PRKN: variants seen among roughly 807,000 people sequenced by gnomAD.
PRKN encodes the protein E3 ubiquitin-protein ligase parkin.
A neutral mutation model predicts 59.5 loss-of-function variants in PRKN; 56 were observed. That is an observed-to-expected ratio of 0.94 (90% CI 0.76 to 1.18). The LOEUF (loss-of-function observed/expected upper bound fraction) is 1.18, where lower values mean the gene tolerates loss of function less well. Among genes scored for constraint, PRKN ranks in the 50% most tolerant of loss-of-function variants. PRKN has a pLI of 0.00. For synonymous variants in PRKN, 250 were observed against 222.1 expected (o/e 1.13, Z -1.12); for missense variants, 657 against 596.4 (o/e 1.10, Z -1.06).
chr6:162,693,468 A>AGTG (rs1777852350), intron 1 of PRKN, among the ~76,000 whole-genome samples: 2 of 152,216 alleles, frequency 1.3e-5, no homozygotes, highest in Non-Finnish European at 2.9e-5. Context: ...AGCAGTGAGC[A>AGTG]AGCTGTACTT....
chr6:162,141,024 G>A (rs532621904), intron 4 of PRKN, among the ~76,000 whole-genome samples: 76 of 152,072 alleles, frequency 5.0e-4, no homozygotes, highest in East Asian at 1.2e-3. Context: ...CAGCTACTTC[G>A]GAGGCTGAGG....
At chr6:162,450,939 T>C (rs1006659164) in intron 1 of PRKN, among the ~76,000 whole-genome samples, 7 of 152,152 alleles carry the variant, frequency 4.6e-5, no homozygotes, top group Non-Finnish European at 1.0e-4. Flanking sequence ...AAGTTTAAAA[T>C]AGGGAAACTG....
At chr6:161,968,910 GA>G (rs1377951160) in intron 6 of PRKN, among the ~76,000 whole-genome samples, 5 of 152,276 alleles carry the variant, frequency 3.3e-5, no homozygotes, top group Admixed American at 6.5e-5. Context: ...CTGTTTTGTA[GA>G]CTTTTTGTAT....
At chr6:162,010,743 T>A (rs1583478790) in intron 5 of PRKN, among the ~76,000 whole-genome samples, 1 of 5,232 alleles carries the variant, frequency 1.9e-4, no homozygotes, top group Non-Finnish European at 2.2e-4. Flanking sequence ...TAATATATAT[T>A]ATATAATATA....
intron 2 of PRKN, among the ~76,000 whole-genome samples, chr6:162,356,119 C>A (rs1351257831): frequency 6.6e-6 from 1 of 152,078 alleles, no homozygotes; most frequent in Non-Finnish European, 1.5e-5. Context: ...ACCAACGTGA[C>A]CTTTATTATC....
At chr6:161,748,840 T>C (rs181115758) in intron 7 of PRKN, among the ~76,000 whole-genome samples, 1 of 152,288 alleles carries the variant, frequency 6.6e-6, no homozygotes, top group Non-Finnish European at 1.5e-5. Flanking sequence ...TTCAAACATT[T>C]AAGCAGAGCA....
intron 5 of PRKN, among the ~76,000 whole-genome samples, chr6:162,026,231 G>A (rs554296664): frequency 1.8e-4 from 28 of 152,238 alleles, no homozygotes; most frequent in African/African-American, 4.6e-4. Context: ...ATGTATTCGC[G>A]TATTCATAGA....
At chr6:161,595,543 G>A (rs1490579726) in intron 7 of PRKN, among the ~76,000 whole-genome samples, 1 of 152,176 alleles carries the variant, frequency 6.6e-6, no homozygotes, top group African/African-American at 2.4e-5. Flanking sequence ...CTGACAACAT[G>A]GTGGCCTCAA....
intron 2 of PRKN, among the ~76,000 whole-genome samples, chr6:162,352,517 G>T (rs190151416): frequency 2.6e-5 from 4 of 152,092 alleles, no homozygotes; most frequent in Non-Finnish European, 5.9e-5. Flanking sequence ...GTGTGACTGC[G>T]CATCCTGGGG....
In PRKN at chr6:161,898,779, C is replaced by G. The variant is rs554221638; in HGVS notation, c.734+74523G>C. ...TGATAATTTTGGTGATTCCCCCTCCCTAGGCTGCAACAGCTTTAATTTTAA... is the reference window on the plus strand; with the variant it reads ...TGATAATTTTGGTGATTCCCCCTCCGTAGGCTGCAACAGCTTTAATTTTAA... On this transcript the variant is annotated intron_variant, in intron 6 of 11. Coordinates refer to ENST00000366898, the MANE Select transcript of PRKN (RefSeq NM_004562.3). 1.6e-4 allele frequency among the ~76,000 whole-genome samples: 25 copies of G among 152,304 alleles called. No homozygotes were observed. The South Asian group carries it at 5.2e-3, about 32-fold the overall frequency.
chr6:161,382,157 A>G (rs1786022614), intron 10 of PRKN, among the ~76,000 whole-genome samples: 1 of 151,504 alleles, frequency 6.6e-6, no homozygotes, highest in Non-Finnish European at 1.5e-5. Context: ...AAACAAACAA[A>G]CAAACAAAAC....
chr6:162,476,232 T>G (rs1792011853), intron 1 of PRKN, among the ~76,000 whole-genome samples: 1 of 151,844 alleles, frequency 6.6e-6, no homozygotes, highest in African/African-American at 2.4e-5. Context: ...TTATTTTTAT[T>G]TATTTATTTA....
intron 9 of PRKN, among the ~76,000 whole-genome samples, chr6:161,415,272 T>C (rs1787785721): frequency 6.6e-6 from 1 of 152,064 alleles, no homozygotes; most frequent in Admixed American, 6.5e-5. Context: ...TTAAACTCAT[T>C]TTATATACGT....
At chr6:162,232,735 C>G (rs1453062882) in intron 3 of PRKN, among the ~76,000 whole-genome samples, 1 of 152,028 alleles carries the variant, frequency 6.6e-6, no homozygotes, top group Non-Finnish European at 1.5e-5. Flanking sequence ...TGATCAGGGG[C>G]TGCCTTAATC....
In PRKN at chr6:161,576,023, G is replaced by A. The variant is rs1314398762; in HGVS notation, c.872-6607C>T. ...GCAGCAGTGAAGGAATCCAGTGGGCGGCTTGCTACTCCAGCTAAGCCAGGT... is the reference window on the plus strand; with the variant it reads ...GCAGCAGTGAAGGAATCCAGTGGGCAGCTTGCTACTCCAGCTAAGCCAGGT... On this transcript the variant is annotated intron_variant, in intron 7 of 11. Transcript: ENST00000366898. The surrounding 1 kb of genome is among the most constrained non-coding windows in gnomAD (Gnocchi z 4.6). 2.6e-5 allele frequency among the ~76,000 whole-genome samples: 4 copies of A among 152,118 alleles called. No individual in the cohort carries two copies. The East Asian group carries it at 7.7e-4, about 29-fold the overall frequency.
chr6:161,634,871 A>G (rs1305468109), intron 7 of PRKN, among the ~76,000 whole-genome samples: 4 of 152,254 alleles, frequency 2.6e-5, no homozygotes, highest in Non-Finnish European at 5.9e-5. Flanking sequence ...GAGAAGAGTT[A>G]AGGATCTGCT....
chr6:162,174,627 T>G (rs540333494), intron 4 of PRKN, among the ~76,000 whole-genome samples: 2 of 152,216 alleles, frequency 1.3e-5, no homozygotes, highest in Non-Finnish European at 2.9e-5. Flanking sequence ...ACTATCTATT[T>G]TGGCTTCACA....
chr6:162,238,430 TTAAG>T (rs1336519781), intron 3 of PRKN, among the ~76,000 whole-genome samples: 5 of 152,358 alleles, frequency 3.3e-5, no homozygotes, highest in South Asian at 2.1e-4. Flanking sequence ...TATGTTGTCA[TTAAG>T]TGACACGTGA....
intron 7 of PRKN, among the ~76,000 whole-genome samples, chr6:161,606,010 T>G (rs11963420): frequency 2.0e-5 from 3 of 152,172 alleles, no homozygotes; most frequent in African/African-American, 4.8e-5. Context: ...GTGGTGGTGG[T>G]AGTCCTAGGA....
Sources: gnomAD v4.1 joint callset for allele counts (sites outside exome capture counted in the v4.1 genomes callset) on GRCh38, gnomAD v4.1.1 for gene constraint, Gnocchi (gnomAD v3.1) non-coding constraint, MANE v1.5 for transcripts, NCBI Gene and HGNC (gene_info 2026-07-23, HGNC 2026-07-21) for gene names.